IL1RAPL2: variants seen among roughly 807,000 people sequenced by gnomAD.
IL1RAPL2 encodes X-linked interleukin-1 receptor accessory protein-like 2.
In IL1RAPL2, 3 loss-of-function variants were observed where a neutral mutation model predicts 44.1. The ratio of observed to expected loss-of-function variants is 0.07; its 90% confidence interval spans 0.03 to 0.18. The LOEUF (loss-of-function observed/expected upper bound fraction) is 0.18, where lower values mean the gene tolerates loss of function less well. Among genes scored for constraint, IL1RAPL2 ranks in the 10% least tolerant of loss-of-function variants. The probability of loss-of-function intolerance (pLI) is 1.00; values close to 1 mark genes in which losing one functional copy is unlikely to be tolerated. For synonymous variants in IL1RAPL2, 181 were observed against 178.8 expected (o/e 1.01, Z -0.10); for missense variants, 391 against 496.4 (o/e 0.79, Z 2.02).
chrX:105,201,397 A>G (rs1213847436), intron 3 of IL1RAPL2, among the ~76,000 whole-genome samples: 5 of 111,505 alleles, frequency 4.5e-5, no homozygotes, highest in African/African-American at 1.3e-4. Flanking sequence ...ATTTTTTATC[A>G]TGTTTGAAAT....
chrX:104,920,362 C>G (rs867785182), intron 2 of IL1RAPL2, among the ~76,000 whole-genome samples: 4 of 110,072 alleles, frequency 3.6e-5, no homozygotes, highest in African/African-American at 1.3e-4. Flanking sequence ...TTTAATGTCC[C>G]CTCTAATAAA....
At chrX:104,758,271 C>T (rs768519706) in intron 2 of IL1RAPL2, among the ~76,000 whole-genome samples, 3 of 111,898 alleles carry the variant, frequency 2.7e-5, no homozygotes, top group Non-Finnish European at 3.8e-5. Context: ...CAGCAAGCTA[C>T]TCTTAAATGT....
chrX:105,449,730 A>G (rs1194144418), intron 5 of IL1RAPL2, among the ~76,000 whole-genome samples: 2 of 109,888 alleles, frequency 1.8e-5, no homozygotes, highest in East Asian at 5.7e-4. Flanking sequence ...TTGGTGACAG[A>G]GTGAGATTCC....
intron 2 of IL1RAPL2, among the ~76,000 whole-genome samples, chrX:105,105,607 A>G (rs2032730017): frequency 8.9e-6 from 1 of 112,441 alleles, no homozygotes; most frequent in Non-Finnish European, 1.9e-5. Context: ...TTATGGTTAC[A>G]TAGTCTTTTA....
chrX:104,656,793 T>C (rs1393649673), intron 1 of IL1RAPL2, among the ~76,000 whole-genome samples: 1 of 111,686 alleles, frequency 9.0e-6, no homozygotes, highest in Non-Finnish European at 1.9e-5. Flanking sequence ...TCTCCCATTA[T>C]TATTGCATGG....
intron 3 of IL1RAPL2, among the ~76,000 whole-genome samples, chrX:105,208,611 G>T (rs2033783953): frequency 9.0e-6 from 1 of 110,892 alleles, no homozygotes; most frequent in Non-Finnish European, 1.9e-5. Flanking sequence ...TCCACCTTGG[G>T]GCCTTGATCA....
intron 5 of IL1RAPL2, among the ~76,000 whole-genome samples, chrX:105,394,464 A>G (rs886859588): frequency 9.0e-6 from 1 of 111,353 alleles, no homozygotes; most frequent in African/African-American, 3.3e-5. Context: ...TTGAGAGTCA[A>G]CTGGCATTAT....
At chrX:105,611,525 C>A (rs897279846) in intron 6 of IL1RAPL2, among the ~76,000 whole-genome samples, 1 of 111,367 alleles carries the variant, frequency 9.0e-6, no homozygotes, top group Non-Finnish European at 1.9e-5. Context: ...TTTATATATA[C>A]AAATATTTGC....
chrX:104,719,743 T>C (rs1482590719), intron 2 of IL1RAPL2, among the ~76,000 whole-genome samples: 5 of 111,670 alleles, frequency 4.5e-5, no homozygotes, highest in Non-Finnish European at 9.4e-5. Context: ...GTAGCATATA[T>C]GTGCAGAGAG....
intron 2 of IL1RAPL2, among the ~76,000 whole-genome samples, chrX:105,151,022 A>G (rs1253912854): frequency 8.9e-6 from 1 of 112,205 alleles, no homozygotes; most frequent in East Asian, 2.8e-4. Flanking sequence ...TATATTTTCA[A>G]GTTGTTAGGA....
At chrX:105,510,314 T>A (rs762116356) in intron 6 of IL1RAPL2, among the ~76,000 whole-genome samples, 1 of 112,055 alleles carries the variant, frequency 8.9e-6, no homozygotes, top group Admixed American at 9.5e-5. Context: ...TGTGTGTGTG[T>A]ACATGTGCTT....
intron 2 of IL1RAPL2, among the ~76,000 whole-genome samples, chrX:104,886,757 C>T (rs908140226): frequency 1.8e-5 from 2 of 112,373 alleles, no homozygotes; most frequent in Middle Eastern, 4.6e-3. Flanking sequence ...ATCCCACAGA[C>T]CACACATCCC....
At chrX:104,772,377 C>T in intron 2 of IL1RAPL2, among the ~76,000 whole-genome samples, 1 of 112,276 alleles carries the variant, frequency 8.9e-6, no homozygotes, top group Non-Finnish European at 1.9e-5. Flanking sequence ...CGTATTTCCA[C>T]CCTATCTTTT....
At chrX:104,901,839 G>C (rs769691035) in intron 2 of IL1RAPL2, among the ~76,000 whole-genome samples, 1 of 111,557 alleles carries the variant, frequency 9.0e-6, no homozygotes, top group African/African-American at 3.3e-5. Context: ...GTCATTGTGA[G>C]GATTAAATGA....
intron 1 of IL1RAPL2, among the ~76,000 whole-genome samples, chrX:104,590,998 T>C (rs1928653736): frequency 9.0e-6 from 1 of 111,613 alleles, no homozygotes; most frequent in Admixed American, 9.6e-5. Context: ...ATGCCAATGA[T>C]TTCTTAGAAT....
chrX:104,604,503 CAG>C (rs1463337067), intron 1 of IL1RAPL2, among the ~76,000 whole-genome samples: 5 of 110,219 alleles, frequency 4.5e-5, no homozygotes, highest in Non-Finnish European at 9.5e-5. Flanking sequence ...TTAAAAGACA[CAG>C]ACTGGCATAT....
intron 6 of IL1RAPL2, among the ~76,000 whole-genome samples, chrX:105,502,624 C>A (rs1486921456): frequency 9.0e-6 from 1 of 111,377 alleles, no homozygotes; most frequent in East Asian, 2.8e-4. Flanking sequence ...GTGTTTTAAA[C>A]TTGTGGTCAG....
intron 2 of IL1RAPL2, among the ~76,000 whole-genome samples, chrX:104,880,206 A>C (rs1330046074): frequency 1.8e-5 from 2 of 111,362 alleles, no homozygotes; most frequent in African/African-American, 6.5e-5. Flanking sequence ...TGAAGGAAAA[A>C]TCTTAGAATT....
intron 2 of IL1RAPL2, among the ~76,000 whole-genome samples, chrX:105,027,576 G>GT (rs1796009206): frequency 9.0e-6 from 1 of 111,597 alleles, no homozygotes; most frequent in African/African-American, 3.3e-5. Context: ...ATATGAAAAG[G>GT]TGCTCAACAT....
Sources: gnomAD v4.1 joint callset for allele counts (sites outside exome capture counted in the v4.1 genomes callset) on GRCh38, gnomAD v4.1.1 for gene constraint, MANE v1.5 for transcripts, NCBI Gene and HGNC (gene_info 2026-07-23, HGNC 2026-07-21) for gene names.